PCDHA4: variants seen among roughly 807,000 people sequenced by gnomAD.
The protein encoded by PCDHA4 is protocadherin alpha 4, also known as protocadherin alpha-4.
Under a neutral mutation model 61.4 loss-of-function variants are expected in PCDHA4, and 49 were observed. The observed-to-expected ratio is 0.80, with a 90% CI of 0.63 to 1.01. The LOEUF is 1.01. Ranked by LOEUF, PCDHA4 falls within the 50% of genes least tolerant of loss-of-function variation. The pLI is 0.00. For synonymous variants in PCDHA4, 590 were observed against 550.3 expected (o/e 1.07, Z -1.01); for missense variants, 1,254 against 1,235.8 (o/e 1.01, Z -0.22).
intron 1 of PCDHA4, chr5:140,883,711 C>G: frequency 6.2e-7 from 1 of 1,613,576 alleles, no homozygotes; most frequent in Admixed American, 1.7e-5. Flanking sequence ...CTGCTCAGGA[C>G]GCGGACGCAC....
At chr5:141,005,285 A>T (rs1285354488) in intron 3 of PCDHA4, among the ~76,000 whole-genome samples, 1 of 152,218 alleles carries the variant, frequency 6.6e-6, no homozygotes, top group Non-Finnish European at 1.5e-5. Context: ...ATAAACAGAT[A>T]CATTTTTTGC....
Position 140,850,613 on chromosome 5 carries a change from G to A in PCDHA4, c.2385+41041G>A. 4.4e-6 allele frequency: 7 copies of A among 1,598,580 alleles called. 1 individual carries two copies. The highest frequency in any genetic ancestry group is 6.0e-6 in the Non-Finnish European group (7 of 1,167,886). ...TGTACCTGATCATCGCCATCTGCGC[G>A]GTGTCTAGCCTGTTGGTTCTCACGC... On this transcript the variant is annotated intron_variant, in intron 1 of 3. Coordinates refer to ENST00000530339, the MANE Select transcript of PCDHA4 (RefSeq NM_018907.4).
At chr5:140,902,331 C>A (rs1271812504) in intron 1 of PCDHA4, among the ~76,000 whole-genome samples, 1 of 151,712 alleles carries the variant, frequency 6.6e-6, no homozygotes, top group African/African-American at 2.4e-5. Flanking sequence ...ACTCACTTCG[C>A]CTGGCCTAGG....
chr5:140,892,384 A>T (rs1313796499), intron 1 of PCDHA4, among the ~76,000 whole-genome samples: 1 of 152,162 alleles, frequency 6.6e-6, no homozygotes, highest in Non-Finnish European at 1.5e-5. Flanking sequence ...AATCATGGGT[A>T]ATCTTAATCT....
At chr5:140,910,959 A>C (rs1188143214) in intron 1 of PCDHA4, among the ~76,000 whole-genome samples, 1 of 151,944 alleles carries the variant, frequency 6.6e-6, no homozygotes, top group African/African-American at 2.4e-5. Flanking sequence ...CGAGTGTAGC[A>C]CACCTCCTCA....
Position 140,871,133 on chromosome 5 carries a change from C to A in PCDHA4, c.2385+61561C>A, listed in dbSNP as rs1156390839. On this transcript the variant is annotated intron_variant, in intron 1 of 3. Transcript: ENST00000530339. ...GTGGAGAGCGGACAGGCGCCAAAGG[C>A]CTCTTCCCGGACTTTGGCGGGCGCC... 29 of 1,613,274 alleles carry A rather than the reference C, an allele frequency of 1.8e-5. No homozygotes were observed. Among genetic ancestry groups the A allele is most frequent in the Non-Finnish European group, 2.5e-5 (29 of 1,179,916 alleles).
intron 1 of PCDHA4, chr5:140,862,547 G>T: frequency 2.2e-6 from 1 of 455,636 alleles, no homozygotes; most frequent in South Asian, 1.7e-5. Context: ...CGTGGAAGTG[G>T]CCGAACAGTG....
chr5:140,840,456 A>C (rs1776712177), intron 1 of PCDHA4, among the ~76,000 whole-genome samples: 1 of 151,992 alleles, frequency 6.6e-6, no homozygotes, highest in African/African-American at 2.4e-5. Flanking sequence ...ACGTTAAATA[A>C]AAAGTTGGGG....
intron 1 of PCDHA4, chr5:140,841,467 C>A: frequency 6.2e-7 from 1 of 1,612,946 alleles, no homozygotes; most frequent in Non-Finnish European, 8.5e-7. Context: ...GGCCGGATCG[C>A]GCAGGACCTG....
chr5:140,895,892 A>T (rs1554186717), intron 1 of PCDHA4, among the ~76,000 whole-genome samples: 1 of 152,080 alleles, frequency 6.6e-6, no homozygotes, highest in Non-Finnish European at 1.5e-5. Flanking sequence ...GCTCACTGCA[A>T]CCTCCGCGTC....
At chr5:140,849,995 C>CGA in intron 1 of PCDHA4, 1 of 1,597,088 alleles carries the variant, frequency 6.3e-7, no homozygotes, top group Non-Finnish European at 8.6e-7. Context: ...GGCGGTTGGG[C>CGA]GAGCGCTCGC....
chr5:140,862,716 G>T, intron 1 of PCDHA4: 3 of 564,370 alleles, frequency 5.3e-6, no homozygotes, highest in Non-Finnish European at 1.0e-5. Flanking sequence ...GGGTGGGCGA[G>T]TGCGCGCTGT....
At chr5:140,928,319 A>AGAAT (rs1554205765) in intron 1 of PCDHA4, 1 of 1,614,082 alleles carries the variant, frequency 6.2e-7, no homozygotes, top group Non-Finnish European at 8.5e-7. Flanking sequence ...GACCTGGGGA[A>AGAAT]GAATGGCCTT....
chr5:140,836,128 C>T (rs2150253454), intron 1 of PCDHA4: 10 of 1,613,624 alleles, frequency 6.2e-6, no homozygotes, highest in South Asian at 1.1e-5. Flanking sequence ...GAGCTTGTGC[C>T]GCGGTCTGTG....
intron 1 of PCDHA4, chr5:140,875,638 C>G (rs2055668574): frequency 6.2e-7 from 1 of 1,613,532 alleles, no homozygotes; most frequent in Non-Finnish European, 8.5e-7. Context: ...GGGGCTGGAG[C>G]TGGCGGAGCT....
intron 1 of PCDHA4, chr5:140,866,190 G>C (rs1420527547): frequency 6.6e-6 from 1 of 152,128 alleles, no homozygotes; most frequent in African/African-American, 2.4e-5. Context: ...TCAGAAAACT[G>C]TGGTTTCCAA....
In PCDHA4 at chr5:140,857,722, C is replaced by A. The variant is rs371525843; in HGVS notation, c.2385+48150C>A. The A allele has an allele frequency of 6.9e-6, 11 of 1,597,318 alleles. 1 individual carries two copies. Among genetic ancestry groups the A allele is most frequent in the Non-Finnish European group, 9.4e-6 (11 of 1,167,728 alleles). On this transcript the variant is annotated intron_variant, in intron 1 of 3. Coordinates refer to ENST00000530339, the MANE Select transcript of PCDHA4 (RefSeq NM_018907.4). ...TGCAGGTGTTCGTGCTGGACGAGAA[C>A]GACAACGCTCCCGCGCTGCTGGCGT... is the stretch of plus-strand genomic sequence containing the variant.
chr5:140,837,353 A>G (rs1415988517), intron 1 of PCDHA4, among the ~76,000 whole-genome samples: 12 of 152,028 alleles, frequency 7.9e-5, no homozygotes, highest in Non-Finnish European at 5.9e-5. Flanking sequence ...AATAGTTTAA[A>G]TGGCAGTTTA....
chr5:141,002,284 A>T (rs1334096097), intron 3 of PCDHA4, among the ~76,000 whole-genome samples: 1 of 152,180 alleles, frequency 6.6e-6, no homozygotes, highest in Non-Finnish European at 1.5e-5. Flanking sequence ...CAAAGGGATG[A>T]ATGGGGAGCA....
Sources: gnomAD v4.1 joint callset for allele counts (sites outside exome capture counted in the v4.1 genomes callset) on GRCh38, gnomAD v4.1.1 for gene constraint, MANE v1.5 for transcripts, NCBI Gene and HGNC (gene_info 2026-07-23, HGNC 2026-07-21) for gene names.